Variants in MBP observed in about 807,000 individuals in gnomAD.
MBP encodes the protein Golli-MBP.
A neutral mutation model predicts 35.8 loss-of-function variants in MBP; 16 were observed. That is an observed-to-expected ratio of 0.45 (90% CI 0.30 to 0.68). The LOEUF is 0.68. MBP is among the 30% of genes least tolerant of loss of function. MBP has a pLI of 0.08. For missense variants in MBP, 380 were observed against 404.7 expected, an observed-to-expected ratio of 0.94 and a Z score of 0.52; for synonymous variants, 143 against 159.6, an observed-to-expected ratio of 0.90 and a Z score of 0.78.
intron 2 of MBP, among the ~76,000 whole-genome samples, chr18:77,086,722 A>G (rs1210819104): frequency 2.6e-5 from 4 of 152,236 alleles, no homozygotes; most frequent in Non-Finnish European, 5.9e-5. Flanking sequence ...TACAAGCTCA[A>G]GAACAAACCA....
chr18:77,101,986 A>G lies in MBP; in HGVS notation c.51+3225T>C, dbSNP rs115176461. Among the ~76,000 whole-genome samples the G allele has an allele frequency of 5.1e-3, 782 of 152,318 alleles. 9 individuals carry two copies. Among genetic ancestry groups the G allele is most frequent in the African/African-American group, 0.018 (741 of 41,560 alleles). ...TGCTGGGGATGCTCCAGGCTTAGAG[A>G]CGGAGGCATCAGAGAGAGGAAAGTT... is the stretch of plus-strand genomic sequence containing the variant. On this transcript the variant is annotated intron_variant, in intron 2 of 8. Transcript: ENST00000355994. The surrounding 1 kb of genome is among the most constrained non-coding windows in gnomAD (Gnocchi z 4.3).
chr18:77,081,860 T>A (rs56037792), intron 2 of MBP, among the ~76,000 whole-genome samples: 5,036 of 20,600 alleles, frequency 0.24, 154 homozygotes, highest in South Asian at 0.34. Flanking sequence ...ATATATATTT[T>A]TTTTTTTTTG....
chr18:77,046,622 C>G (rs571102787), intron 3 of MBP, among the ~76,000 whole-genome samples: 2 of 152,344 alleles, frequency 1.3e-5, no homozygotes, highest in Admixed American at 6.5e-5. Context: ...AGGGCCGGGC[C>G]GACCCTTTCA....
At chr18:77,100,612 G>A (rs1044595889) in intron 2 of MBP, among the ~76,000 whole-genome samples, 4 of 151,550 alleles carry the variant, frequency 2.6e-5, no homozygotes, top group African/African-American at 7.3e-5. Flanking sequence ...GTGCAGTGGT[G>A]TGATCATGGC....
intron 2 of MBP, among the ~76,000 whole-genome samples, chr18:77,078,289 C>A (rs918554851): frequency 6.6e-6 from 1 of 152,186 alleles, no homozygotes; most frequent in Non-Finnish European, 1.5e-5. Flanking sequence ...TTTTTGTCTA[C>A]CTTCCTACCT....
intron 2 of MBP, among the ~76,000 whole-genome samples, chr18:77,086,863 C>G (rs1438928635): frequency 6.6e-6 from 1 of 152,128 alleles, no homozygotes; most frequent in Non-Finnish European, 1.5e-5. Context: ...TTAAGAACAG[C>G]TCGTCAAAAG....
chr18:77,016,040 T>C (rs186944442), intron 4 of MBP: 21 of 985,384 alleles, frequency 2.1e-5, no homozygotes, highest in East Asian at 1.1e-4. Context: ...AAATACTGCA[T>C]CTGCAATCTG....
intron 1 of MBP, among the ~76,000 whole-genome samples, chr18:77,107,120 G>C (rs1222746255): frequency 3.3e-5 from 5 of 152,132 alleles, no homozygotes; most frequent in African/African-American, 1.2e-4. Flanking sequence ...TTGCAGGATG[G>C]ACACACATTA....
intron 3 of MBP, chr18:77,017,894 A>G (rs1368386574): frequency 6.6e-6 from 1 of 152,216 alleles, no homozygotes; most frequent in African/African-American, 2.4e-5. Flanking sequence ...AGTGGGATTG[A>G]GATATTTCAT....
chr18:77,028,198 G>C (rs925274003), intron 3 of MBP, among the ~76,000 whole-genome samples: 4 of 141,500 alleles, frequency 2.8e-5, no homozygotes, highest in Admixed American at 7.2e-5. Flanking sequence ...GACTCTTAAC[G>C]AGCATGCTGC....
intron 3 of MBP, among the ~76,000 whole-genome samples, chr18:77,024,054 C>T (rs1340406765): frequency 6.6e-6 from 1 of 152,188 alleles, no homozygotes; most frequent in African/African-American, 2.4e-5. Context: ...CTCTTCTTTG[C>T]TAGAAAAACT....
chr18:77,010,203 G>C, intron 4 of MBP: 1 of 491,824 alleles, frequency 2.0e-6, no homozygotes, highest in South Asian at 2.4e-5. Flanking sequence ...GTTTAGGGAA[G>C]AATTCTCTCC....
At chr18:76,990,173 ACAGT>A (rs1234247825) in intron 4 of MBP, 113 bp from the exon 5 acceptor site, 1 of 641,762 alleles carries the variant, frequency 1.6e-6, no homozygotes, top group Non-Finnish European at 2.8e-6. Context: ...TTTTTTTTTA[ACAGT>A]CAGGAATACT....
At chr18:77,074,793 T>C (rs1224864909) in intron 2 of MBP, among the ~76,000 whole-genome samples, 1 of 152,212 alleles carries the variant, frequency 6.6e-6, no homozygotes, top group African/African-American at 2.4e-5. Context: ...TGGAGTACCA[T>C]TGGCACCACT....
rs115943570 is a variant in MBP, at chr18:77,128,447, G to A, written c.-26+4133C>T. Among the ~76,000 whole-genome samples, 872 of 152,076 alleles carry A rather than the reference G, an allele frequency of 5.7e-3. 8 individuals are homozygous for A. The highest frequency in any genetic ancestry group is 0.019 in the African/African-American group (804 of 41,462). Reference sequence around the variant, plus strand: ...AAGGATCCTGTGATGAAACTCTCCTGTCCTCTGATGTGTTGGTGGTCACAT... The same window carrying A: ...AAGGATCCTGTGATGAAACTCTCCTATCCTCTGATGTGTTGGTGGTCACAT... On this transcript the variant is annotated intron_variant, in intron 1 of 8. Transcript: ENST00000355994.
chr18:77,017,301 T>C (rs750756844), intron 3 of MBP, 33 bp from the exon 4 acceptor site: 1 of 1,482,078 alleles, frequency 6.7e-7, no homozygotes, highest in Non-Finnish European at 8.9e-7. Flanking sequence ...AATACGGGCC[T>C]GTGCAAAGCT....
chr18:77,081,788 ACACACG>A (rs1974926922), intron 2 of MBP, among the ~76,000 whole-genome samples: 1 of 148,038 alleles, frequency 6.8e-6, no homozygotes, highest in African/African-American at 2.5e-5. Context: ...ACACACACAC[ACACACG>A]TATATATATA....
chr18:76,983,591 TACC>T (rs1362721071), intron 8 of MBP: 1 of 152,240 alleles, frequency 6.6e-6, no homozygotes, highest in Non-Finnish European at 1.5e-5. Flanking sequence ...GGATCCTGCC[TACC>T]ACTTCATCTG....
intron 3 of MBP, among the ~76,000 whole-genome samples, chr18:77,046,680 C>T (rs470551): frequency 0.87 from 132,644 of 152,292 alleles, 58,349 homozygotes; most frequent in South Asian, 0.93. Flanking sequence ...CCCAGTCCCC[C>T]GGAGCTATAA....
Sources: gnomAD v4.1 joint callset for allele counts (sites outside exome capture counted in the v4.1 genomes callset) on GRCh38, gnomAD v4.1.1 for gene constraint, Gnocchi (gnomAD v3.1) non-coding constraint, MANE v1.5 for transcripts, NCBI Gene and HGNC (gene_info 2026-07-23, HGNC 2026-07-21) for gene names.